The following AMZ2 variants were observed in gnomAD, a reference collection of about 807,000 sequenced individuals.
AMZ2 encodes archaelysin family metallopeptidase 2, also known as archaemetzincin-2.
Under a neutral mutation model 36.7 loss-of-function variants are expected in AMZ2, and 26 were observed. That is an observed-to-expected ratio of 0.71 (90% CI 0.52 to 0.98). The LOEUF (loss-of-function observed/expected upper bound fraction) is 0.98, where lower values mean the gene tolerates loss of function less well. AMZ2 is among the 50% of genes least tolerant of loss of function. The pLI is 0.00. For synonymous variants in AMZ2, 144 were observed against 149.1 expected, an observed-to-expected ratio of 0.97 and a Z score of 0.25; for missense variants, 394 against 430.5, an observed-to-expected ratio of 0.92 and a Z score of 0.75.
At position 68,254,431 on chromosome 17, in the gene AMZ2, A is replaced by G; in HGVS notation, c.614A>G (p.Tyr205Cys). 7 of 1,613,050 alleles carry G rather than the reference A, an allele frequency of 4.3e-6. No individual in the cohort carries two copies. In the South Asian group the frequency reaches 5.5e-5, roughly 13 times the overall value. Reference sequence around the variant, plus strand: ...GTGGGGATATTCAGCTTTGCCAGGTATGGCAGTGATTTTTATAGCATGCAC... The same window carrying G: ...GTGGGGATATTCAGCTTTGCCAGGTGTGGCAGTGATTTTTATAGCATGCAC... ...DGVGIFSFAR[Y>C]GSDFYSMHYK... Residue 205 changes from tyrosine (Y) to cysteine (C), a missense_variant, in exon 5 of 7, where the codon TAT becomes TGT. Coordinates refer to ENST00000359904, the MANE Select transcript of AMZ2 (RefSeq NM_016627.5).
chr17:68,218,111 CA>C (rs11290568), intron 1 of AMZ2, among the ~76,000 whole-genome samples: 46,592 of 151,066 alleles, frequency 0.31, 7,310 homozygotes, highest in African/African-American at 0.35. Flanking sequence ...CGTGTCCGGC[CA>C]AAAAAAAGGT....
upstream of AMZ2, among the ~76,000 whole-genome samples, chr17:68,244,375 C>T (rs1340694874): frequency 1.3e-5 from 2 of 152,202 alleles, no homozygotes; most frequent in Non-Finnish European, 2.9e-5. Flanking sequence ...CAACCTCCGC[C>T]TCCTGGGTTC....
At chr17:68,237,686 C>G (rs1412446749) in intron 1 of AMZ2, among the ~76,000 whole-genome samples, 1 of 152,112 alleles carries the variant, frequency 6.6e-6, no homozygotes, top group Non-Finnish European at 1.5e-5. Context: ...AGCAGTGAGC[C>G]AAGCAGTTTC....
intron 1 of AMZ2, among the ~76,000 whole-genome samples, chr17:68,224,315 G>A (rs1261014348): frequency 6.6e-6 from 1 of 152,124 alleles, no homozygotes; most frequent in Non-Finnish European, 1.5e-5. Flanking sequence ...ATGAGAGTAG[G>A]GTGCTTCTGT....
intron 1 of AMZ2, among the ~76,000 whole-genome samples, chr17:68,214,401 A>G (rs2073143599): frequency 2.6e-5 from 4 of 152,124 alleles, no homozygotes. Flanking sequence ...GGTGGAAGAA[A>G]GCTTCATTTA....
intron 5 of AMZ2, among the ~76,000 whole-genome samples, chr17:68,254,814 A>G (rs2074773431): frequency 6.6e-6 from 1 of 152,100 alleles, no homozygotes; most frequent in Non-Finnish European, 1.5e-5. Flanking sequence ...CCCATGTGCT[A>G]TTAGTGTAAT....
chr17:68,256,820 G>T lies in AMZ2; in HGVS notation c.934G>T (p.Val312Leu), dbSNP rs1429070193. 1 of 1,596,984 alleles carries T rather than the reference G, an allele frequency of 6.3e-7. No individual in the cohort carries two copies. Among genetic ancestry groups the T allele is most frequent in the Non-Finnish European group, 8.6e-7 (1 of 1,166,680 alleles). ...ATCTTTCATGTTTTTCCAGGCACTG[G>T]TGAGGTGGATTGATGATGAATCTTC... is the stretch of plus-strand genomic sequence containing the variant. The part of the protein sequence containing the change: ...FSIVERYKAL[V>L]RWIDDESSDT... Residue 312 changes from valine (V) to leucine (L), a missense_variant, in exon 7 of 7, where the codon GTG becomes TTG. Transcript: ENST00000359904.
intron 1 of AMZ2, among the ~76,000 whole-genome samples, chr17:68,213,932 G>A (rs565129393): frequency 1.7e-4 from 25 of 151,436 alleles, no homozygotes; most frequent in African/African-American, 5.6e-4. Flanking sequence ...TTATCTAAGA[G>A]CTCTTTTGTT....
Position 68,223,714 on chromosome 17 carries a change from G to T in AMZ2, c.-67+17476G>T, listed in dbSNP as rs1340773767. On this transcript the variant is annotated intron_variant, in intron 1 of 7. Transcript: ENST00000674770. Reference sequence around the variant, plus strand: ...GCCACCATGCCTGGCTAATTTTTTTGTTGTTTGTTTGTTTGTTTTGAGACG... The same window carrying T: ...GCCACCATGCCTGGCTAATTTTTTTTTTGTTTGTTTGTTTGTTTTGAGACG... 3.5e-4 allele frequency among the ~76,000 whole-genome samples: 51 copies of T among 146,312 alleles called. 1 individual carries two copies. The highest frequency in any genetic ancestry group is 1.2e-3 in the African/African-American group (47 of 39,402).
intron 6 of AMZ2, among the ~76,000 whole-genome samples, chr17:68,256,247 T>A (rs1555742803): frequency 6.6e-6 from 1 of 152,172 alleles, no homozygotes; most frequent in Non-Finnish European, 1.5e-5. Flanking sequence ...AGAGGTATGA[T>A]GTTCATTAGG....
chr17:68,209,632 A>ATATATGTATATATATTTTTT, intron 1 of AMZ2, among the ~76,000 whole-genome samples: 4 of 90,700 alleles, frequency 4.4e-5, no homozygotes, highest in Non-Finnish European at 8.0e-5. Context: ...ATATATATAT[A>ATATATGTATATATATTTTTT]TTTTTTTTTT....
At chr17:68,255,911 A>C (rs1555742720) in intron 6 of AMZ2, 35 bp downstream of exon 6, 2 of 1,602,312 alleles carry the variant, frequency 1.2e-6, no homozygotes, top group East Asian at 2.2e-5. Flanking sequence ...AAGAGGGGGA[A>C]GTGGTTATCT....
intron 1 of AMZ2, among the ~76,000 whole-genome samples, chr17:68,231,240 A>ATT (rs111699295): frequency 5.4e-5 from 8 of 146,918 alleles, no homozygotes; most frequent in Non-Finnish European, 3.0e-5. Flanking sequence ...ATTTTCTTGT[A>ATT]TTTTTTTTTT....
chr17:68,255,850 G>A lies in AMZ2; in HGVS notation c.901G>A (p.Gly301Ser). ...TTTGCACAAGTTGCAGTGTGCTGTT[G>A]GCTTCAGCATTGTAGAAAGATACAA... ...ICLHKLQCAVGFSIVERYKAL... is the reference protein window; with the variant it reads ...ICLHKLQCAVSFSIVERYKAL... Residue 301 changes from glycine to serine, a missense_variant, in exon 6 of 7, where the codon GGC (glycine) becomes AGC (serine). Coordinates refer to ENST00000359904, the MANE Select transcript of AMZ2 (RefSeq NM_016627.5). 4 of 1,614,078 alleles carry A rather than the reference G, an allele frequency of 2.5e-6. No individual in the cohort carries two copies. In the South Asian group the frequency reaches 3.3e-5, roughly 13 times the overall value.
At chr17:68,216,374 T>C (rs557299077) in intron 1 of AMZ2, among the ~76,000 whole-genome samples, 118 of 152,188 alleles carry the variant, frequency 7.8e-4, no homozygotes, top group Non-Finnish European at 1.1e-3. Flanking sequence ...GTTCAAGCAA[T>C]CCTCCCACCG....
chr17:68,217,411 C>T (rs2073227346), intron 1 of AMZ2, among the ~76,000 whole-genome samples: 1 of 152,114 alleles, frequency 6.6e-6, no homozygotes, highest in African/African-American at 2.4e-5. Flanking sequence ...TAATAAAGTG[C>T]ACAGATTTTA....
chr17:68,211,768 G>GTATATA (rs1321999584), intron 1 of AMZ2, among the ~76,000 whole-genome samples: 2 of 113,514 alleles, frequency 1.8e-5, no homozygotes, highest in South Asian at 2.8e-4. Flanking sequence ...ATGTATATAT[G>GTATATA]TGTATATGTA....
chr17:68,244,634 T>C (rs2073964659), upstream of AMZ2, among the ~76,000 whole-genome samples: 1 of 152,166 alleles, frequency 6.6e-6, no homozygotes, highest in African/African-American at 2.4e-5. Flanking sequence ...TATTTTCATA[T>C]AGAGACAGAG....
intron 1 of AMZ2, among the ~76,000 whole-genome samples, chr17:68,237,936 GT>G (rs1424762312): frequency 6.6e-6 from 1 of 152,238 alleles, no homozygotes; most frequent in Admixed American, 6.5e-5. Context: ...TAGGTCACAA[GT>G]GAAGTGGGTC....
Sources: gnomAD v4.1 joint callset for allele counts (sites outside exome capture counted in the v4.1 genomes callset) on GRCh38, gnomAD v4.1.1 for gene constraint, MANE v1.5 for transcripts, NCBI Gene and HGNC (gene_info 2026-07-23, HGNC 2026-07-21) for gene names.